Variants in ALLC observed in about 807,000 individuals in gnomAD.
ALLC encodes the protein probable inactive allantoicase.
A neutral mutation model predicts 45.0 loss-of-function variants in ALLC; 40 were observed. The observed-to-expected ratio is 0.89, with a 90% CI of 0.69 to 1.16. The LOEUF (loss-of-function observed/expected upper bound fraction) is 1.16, where lower values mean the gene tolerates loss of function less well. ALLC is among the 50% of genes most tolerant of loss of function. ALLC has a pLI of 0.00. For missense variants in ALLC, 488 were observed against 493.1 expected, an observed-to-expected ratio of 0.99 and a Z score of 0.10; for synonymous variants, 176 against 178.1, an observed-to-expected ratio of 0.99 and a Z score of 0.09.
intron 7 of ALLC, among the ~76,000 whole-genome samples, chr2:3,689,159 TA>T (rs1667407968): frequency 1.3e-5 from 2 of 151,062 alleles, no homozygotes; most frequent in Non-Finnish European, 3.0e-5. Context: ...TGTTTCTTTT[TA>T]AAAAAACAAG....
At chr2:3,697,621 G>GTCTGTCTGTCTGTCTATCTATCTA (rs1354630765) in intron 10 of ALLC, among the ~76,000 whole-genome samples, 165 bp downstream of exon 10, 26 of 125,326 alleles carry the variant, frequency 2.1e-4, no homozygotes, top group African/African-American at 6.4e-4. Context: ...CTGTCTGTCT[G>GTCTGTCTGTCTGTCTATCTATCTA]TCTATCTATC....
intron 7 of ALLC, among the ~76,000 whole-genome samples, chr2:3,691,331 C>T (rs1024892468): frequency 2.5e-4 from 38 of 152,072 alleles, no homozygotes; most frequent in African/African-American, 8.9e-4. Context: ...CAGGTCACTG[C>T]AGCTTCAACC....
rs1032281943 is a variant in ALLC, at chr2:3,680,421, A to G, written c.298+427A>G. Among the ~76,000 whole-genome samples the G allele has an allele frequency of 6.6e-6, 1 of 152,018 alleles. No homozygotes were observed. Among genetic ancestry groups the G allele is most frequent in the Non-Finnish European group, 1.5e-5 (1 of 68,020 alleles). ...CAGTGTGTGTGATGGGGGAGCTGCT[A>G]TGGCATTTTAGGCAAGGGTTCCTAT... On this transcript the variant is annotated intron_variant, in intron 5 of 11. Transcript: ENST00000252505. The surrounding 1 kb of genome is among the most constrained non-coding windows in gnomAD (Gnocchi z 4.0).
upstream of ALLC, among the ~76,000 whole-genome samples, chr2:3,656,830 A>AGGGTGTGGAGGGCAGG (rs1666454267): frequency 7.5e-6 from 1 of 132,454 alleles, no homozygotes; most frequent in African/African-American, 4.0e-5. Flanking sequence ...TGGAGGGCAG[A>AGGGTGTGGAGGGCAGG]GGTCAGGGTG....
the ALLC span, among the ~76,000 whole-genome samples, chr2:3,649,682 G>A: frequency 6.6e-6 from 1 of 152,258 alleles, no homozygotes; most frequent in Non-Finnish European, 1.5e-5. Context: ...GGCAGCTCAG[G>A]GTGCAGGGTG....
At chr2:3,645,939 C>T in the ALLC span, among the ~76,000 whole-genome samples, 2 of 152,162 alleles carry the variant, frequency 1.3e-5, no homozygotes, top group Non-Finnish European at 2.9e-5. This position sits in a 1 kb window ranked among gnomAD's most constrained non-coding sequence, Gnocchi z 4.3. Context: ...AGGGAGGCCC[C>T]GACGGCCCTT....
At chr2:3,649,322 A>G in the ALLC span, among the ~76,000 whole-genome samples, 7 of 151,484 alleles carry the variant, frequency 4.6e-5, no homozygotes, top group East Asian at 1.4e-3. Context: ...GCTCACTGCA[A>G]ACTCCACCTC....
At chr2:3,681,188 A>G (rs1420481678) in intron 5 of ALLC, among the ~76,000 whole-genome samples, 1 of 152,160 alleles carries the variant, frequency 6.6e-6, no homozygotes, top group Non-Finnish European at 1.5e-5. Context: ...CTAAAAGCGG[A>G]AATGACCAGT....
intron 1 of ALLC, among the ~76,000 whole-genome samples, chr2:3,668,783 C>T (rs1666792564): frequency 6.6e-6 from 1 of 150,788 alleles, no homozygotes. Flanking sequence ...TCTATATTAG[C>T]CAGGGTGGTC....
intron 10 of ALLC, among the ~76,000 whole-genome samples, 165 bp downstream of exon 10, chr2:3,697,621 G>GTCTATCTATCTATCTATCTA (rs201211524): frequency 1.6e-4 from 20 of 125,442 alleles, no homozygotes; most frequent in Admixed American, 2.4e-4. Flanking sequence ...CTGTCTGTCT[G>GTCTATCTATCTATCTATCTA]TCTATCTATC....
At chr2:3,647,016 G>A in the ALLC span, among the ~76,000 whole-genome samples, 1 of 152,084 alleles carries the variant, frequency 6.6e-6, no homozygotes, top group Non-Finnish European at 1.5e-5. Context: ...GCTGTGCCCT[G>A]CTGTCCATCA....
chr2:3,671,257 G>T lies in ALLC; in HGVS notation c.33+67G>T, dbSNP rs946831682. 13 of 1,542,614 alleles carry T rather than the reference G, an allele frequency of 8.4e-6. No individual in the cohort carries two copies. In the East Asian group the frequency reaches 3.0e-4, roughly 36 times the overall value. On this transcript the variant is annotated intron_variant, in intron 2 of 11. Coordinates refer to ENST00000252505, the MANE Select transcript of ALLC (RefSeq NM_018436.4). ...CGTGCTAAGGGCACAACTCACCAGT[G>T]CAGAGAACCTCATGCAAGAATCAAC...
At chr2:3,700,258 C>A (rs1667789225) in intron 10 of ALLC, among the ~76,000 whole-genome samples, 2 of 152,150 alleles carry the variant, frequency 1.3e-5, no homozygotes, top group African/African-American at 2.4e-5. Flanking sequence ...AATTGGGATT[C>A]ATTTCCCCAT....
At chr2:3,647,003 C>T in the ALLC span, among the ~76,000 whole-genome samples, 1 of 152,168 alleles carries the variant, frequency 6.6e-6, no homozygotes, top group Non-Finnish European at 1.5e-5. Context: ...TCTGGTCTCA[C>T]AGGCTGTGCC....
At chr2:3,648,871 C>T in the ALLC span, among the ~76,000 whole-genome samples, 1 of 152,206 alleles carries the variant, frequency 6.6e-6, no homozygotes, top group African/African-American at 2.4e-5. Flanking sequence ...TCAGTTTCCT[C>T]ATTGGTGGAG....
At chr2:3,670,524 C>G (rs1289312037) in intron 1 of ALLC, among the ~76,000 whole-genome samples, 1 of 152,150 alleles carries the variant, frequency 6.6e-6, no homozygotes, top group Non-Finnish European at 1.5e-5. Context: ...CGTGTTAGGA[C>G]CCGCCATGGC....
In ALLC at chr2:3,681,705, A is replaced by C. The variant is rs201353816; in HGVS notation, c.370A>C (p.Ile124Leu). Residue 124 changes from isoleucine (I) to leucine (L), a missense_variant, in exon 6 of 12, where the codon ATT becomes CTT. Physicochemically the swap from Ile to Leu is conservative, Grantham distance 5. Coordinates refer to ENST00000252505, the MANE Select transcript of ALLC (RefSeq NM_018436.4). ...AAATPEEFEA[I>L]AELKSDDWSY... ...AGCCACTCCTGAGGAGTTTGAAGCC[A>C]TTGCTGAGGTACATCTCCCCCAAAT... is the stretch of plus-strand genomic sequence containing the variant. The C allele has an allele frequency of 6.2e-7, 1 of 1,608,560 alleles. No homozygotes were observed. The highest frequency in any genetic ancestry group is 8.5e-7 in the Non-Finnish European group (1 of 1,177,222).
At chr2:3,660,819 A>G (rs13396793) in intron 1 of ALLC, among the ~76,000 whole-genome samples, 19 of 106,978 alleles carry the variant, frequency 1.8e-4, no homozygotes, top group Non-Finnish European at 3.3e-4. Context: ...TGGGGCAGGA[A>G]ATCGGAATGA....
At chr2:3,658,112 G>A (rs1347183882), upstream of ALLC, 4 of 152,430 alleles carry the variant, frequency 2.6e-5, no homozygotes, top group Non-Finnish European at 5.9e-5. Context: ...TGCTCCCCCT[G>A]TTACTTCCAC....
Sources: allele counts gnomAD v4.1 joint callset (sites outside exome capture counted in the v4.1 genomes callset), GRCh38; gene constraint gnomAD v4.1.1; non-coding constraint Gnocchi (gnomAD v3.1); transcripts MANE v1.5; gene names NCBI Gene and HGNC (gene_info 2026-07-23, HGNC 2026-07-21).